Variants in MRPL3 observed in about 807,000 individuals in gnomAD.
MRPL3 encodes large ribosomal subunit protein uL3m.
A neutral mutation model predicts 44.3 loss-of-function variants in MRPL3; 43 were observed. The observed-to-expected ratio is 0.97, with a 90% CI of 0.76 to 1.25. The LOEUF is 1.25. Among genes scored for constraint, MRPL3 ranks in the 50% most tolerant of loss-of-function variants. The probability of loss-of-function intolerance (pLI) is 0.00; values close to 1 mark genes in which losing one functional copy is unlikely to be tolerated. For synonymous variants in MRPL3, 171 were observed against 152.3 expected (o/e 1.12, Z -0.91); for missense variants, 406 against 427.6 (o/e 0.95, Z 0.45).
intron 6 of MRPL3, among the ~76,000 whole-genome samples, chr3:131,475,739 A>G (rs576976918): frequency 2.0e-5 from 3 of 152,344 alleles, no homozygotes; most frequent in South Asian, 2.1e-4. Flanking sequence ...ACTAACATCT[A>G]AGAAGAGAAT....
At chr3:131,485,589 AG>A (rs1934100538) in intron 6 of MRPL3, among the ~76,000 whole-genome samples, 1 of 152,208 alleles carries the variant, frequency 6.6e-6, no homozygotes, top group Non-Finnish European at 1.5e-5. Context: ...AGAGTTACCA[AG>A]GAACCAGTGA....
rs553579203 is a variant in MRPL3, at chr3:131,474,716, A to G, written c.630-3437T>C. Reference sequence around the variant, plus strand: ...GTCTTTGATTATATCAGTATAAATGACACAATAAAAAGACTGGAAAAAATT... The same window carrying G: ...GTCTTTGATTATATCAGTATAAATGGCACAATAAAAAGACTGGAAAAAATT... On this transcript the variant is annotated intron_variant, in intron 6 of 9. Coordinates refer to ENST00000264995, the MANE Select transcript of MRPL3 (RefSeq NM_007208.4). Among the ~76,000 whole-genome samples, 19 of 152,152 alleles carry G rather than the reference A, an allele frequency of 1.2e-4. No individual in the cohort carries two copies. The East Asian group carries it at 3.5e-3, about 28-fold the overall frequency.
At chr3:131,496,638 A>G (rs913700567) in intron 4 of MRPL3, among the ~76,000 whole-genome samples, 6 of 152,008 alleles carry the variant, frequency 3.9e-5, no homozygotes, top group Non-Finnish European at 8.8e-5. Flanking sequence ...GTGTCCTCCC[A>G]CCTAGTCCTT....
chr3:131,481,386 G>A (rs1582709931), intron 6 of MRPL3, among the ~76,000 whole-genome samples: 1 of 152,162 alleles, frequency 6.6e-6, no homozygotes, highest in Non-Finnish European at 1.5e-5. Context: ...TAATACTCCT[G>A]AGCATTTATT....
intron 6 of MRPL3, among the ~76,000 whole-genome samples, chr3:131,485,492 T>C (rs140056223): frequency 1.3e-5 from 2 of 152,176 alleles, no homozygotes; most frequent in East Asian, 1.9e-4. Flanking sequence ...TAAAATAATC[T>C]GATTTACAAC....
chr3:131,488,540 C>G (rs918346657), intron 5 of MRPL3: 7 of 151,926 alleles, frequency 4.6e-5, no homozygotes, highest in Non-Finnish European at 1.0e-4. Context: ...ATATGTGCAG[C>G]TAGAAATTCA....
rs767235860 is a variant in MRPL3 at position 131,501,544 on chromosome 3, A to G, written c.264T>C (p.His88=). The G allele has an allele frequency of 6.2e-7, 1 of 1,611,586 alleles. No individual in the cohort carries two copies. The highest frequency in any genetic ancestry group is 8.5e-7 in the Non-Finnish European group (1 of 1,179,676). The change falls in exon 2 of 10, where the codon CAT becomes CAC. Residue 88 remains histidine, a synonymous_variant. Transcript: ENST00000264995. ...CAAAATAATCACCTGGTTCCCAAGGATGTATAGGCCATGGTTCATCTTTCA... is the reference window on the plus strand; with the variant it reads ...CAAAATAATCACCTGGTTCCCAAGGGTGTATAGGCCATGGTTCATCTTTCA... ...CPLKDEPWPI[H]PWEPGSFRVG... is the part of the protein sequence containing the mutation.
intron 6 of MRPL3, among the ~76,000 whole-genome samples, chr3:131,474,900 T>C (rs188951466): frequency 0.012 from 1,819 of 151,690 alleles, 16 homozygotes; most frequent in Non-Finnish European, 0.018. Flanking sequence ...ACCTCATGAG[T>C]AGCTAGGACT....
In MRPL3 at chr3:131,462,777, A is replaced by G; in HGVS notation, c.993T>C (p.Asp331=). 1 of 1,613,236 alleles carries G rather than the reference A, an allele frequency of 6.2e-7. No homozygotes were observed. The highest frequency in any genetic ancestry group is 8.5e-7 in the Non-Finnish European group (1 of 1,179,498). ...GCTGACACACGTTTTCATCATACAA[A>G]TCTTCTGGCAGTTCCTCTTCATCTC... The part of the protein sequence containing the change: ...PDGDEEELPE[D]LYDENVCQPG... Residue 331 remains aspartate, a synonymous_variant, in exon 10 of 10, where the codon GAT becomes GAC. Transcript: ENST00000264995.
intron 9 of MRPL3, among the ~76,000 whole-genome samples, chr3:131,467,253 C>T (rs201858514): frequency 1.3e-5 from 1 of 74,250 alleles, no homozygotes; most frequent in African/African-American, 2.9e-5. Context: ...CACACACACA[C>T]ATACACACAC....
intron 6 of MRPL3, among the ~76,000 whole-genome samples, chr3:131,476,860 A>T (rs56005985): frequency 0.074 from 11,206 of 152,256 alleles, 1,046 homozygotes; most frequent in African/African-American, 0.21. Context: ...AGCTGTGTCC[A>T]GGGAAGACAG....
intron 5 of MRPL3, among the ~76,000 whole-genome samples, chr3:131,489,412 C>T (rs997314913): frequency 2.6e-5 from 4 of 152,102 alleles, no homozygotes; most frequent in Non-Finnish European, 5.9e-5. Flanking sequence ...CAGCATTCTA[C>T]TGTCTTCTTG....
chr3:131,498,004 G>C (rs751263551), intron 4 of MRPL3, 175 bp downstream of exon 4: 23 of 609,762 alleles, frequency 3.8e-5, no homozygotes, highest in Non-Finnish European at 6.7e-5. Context: ...ACAAACTCAA[G>C]AGTCTCCAAG....
At chr3:131,499,132 G>T (rs535677577) in intron 3 of MRPL3, among the ~76,000 whole-genome samples, 1 of 152,112 alleles carries the variant, frequency 6.6e-6, no homozygotes, top group Non-Finnish European at 1.5e-5. Context: ...TATATAAATG[G>T]AATCAGATTT....
At chr3:131,500,360 CTT>C in intron 3 of MRPL3, 68 bp downstream of exon 3, 2 of 1,243,656 alleles carry the variant, frequency 1.6e-6, no homozygotes, top group Non-Finnish European at 2.4e-6. Context: ...ACAAATAGTT[CTT>C]GTTAAGGTTT....
chr3:131,500,327 C>G, intron 3 of MRPL3, 103 bp downstream of exon 3: 1 of 877,400 alleles, frequency 1.1e-6, no homozygotes, highest in South Asian at 1.5e-5. Context: ...CTTTCTTCAC[C>G]ATACAGTTCC....
intron 1 of MRPL3, chr3:131,501,969 C>A: frequency 6.8e-7 from 1 of 1,465,526 alleles, no homozygotes; most frequent in Non-Finnish European, 9.2e-7. Flanking sequence ...AACATATTCC[C>A]CAAAAAACAG....
chr3:131,496,335 T>C (rs1934370382), intron 4 of MRPL3, among the ~76,000 whole-genome samples: 1 of 152,180 alleles, frequency 6.6e-6, no homozygotes, highest in African/African-American at 2.4e-5. Context: ...GAAACCCAAA[T>C]TTGTTAGTCA....
chr3:131,465,556 A>G (rs955739324), intron 9 of MRPL3, among the ~76,000 whole-genome samples: 2 of 152,184 alleles, frequency 1.3e-5, no homozygotes, highest in African/African-American at 4.8e-5. Context: ...ATGTAGAAAA[A>G]TAGGCAGAAA....
Sources: allele counts gnomAD v4.1 joint callset (sites outside exome capture counted in the v4.1 genomes callset), GRCh38; gene constraint gnomAD v4.1.1; transcripts MANE v1.5; gene names NCBI Gene and HGNC (gene_info 2026-07-23, HGNC 2026-07-21).